Variants in DMD observed in about 807,000 individuals in gnomAD.
The protein encoded by DMD is mutant dystrophin.
A neutral mutation model predicts 330.1 loss-of-function variants in DMD; 63 were observed. That is an observed-to-expected ratio of 0.19 (90% CI 0.16 to 0.24). DMD has a LOEUF of 0.24. DMD is among the 10% of genes least tolerant of loss of function. The pLI is 1.00. For synonymous variants in DMD, 1,223 were observed against 959.8 expected (o/e 1.27, Z -5.07); for missense variants, 3,344 against 2,684.1 (o/e 1.25, Z -5.43).
chrX:31,793,651 T>G (rs2091683589), intron 50 of DMD, among the ~76,000 whole-genome samples: 1 of 112,077 alleles, frequency 8.9e-6, no homozygotes, highest in South Asian at 3.7e-4. Context: ...GTGTTGAACA[T>G]CTCATGTAAT....
chrX:32,948,918 G>A (rs1004228067), intron 2 of DMD, among the ~76,000 whole-genome samples: 2 of 111,238 alleles, frequency 1.8e-5, no homozygotes, highest in African/African-American at 3.3e-5. Flanking sequence ...TTTTAGAGAC[G>A]ATAAAATTAA....
chrX:32,686,720 TA>T (rs2062911245), intron 9 of DMD, among the ~76,000 whole-genome samples: 1 of 110,810 alleles, frequency 9.0e-6, no homozygotes, highest in African/African-American at 3.3e-5. Flanking sequence ...GAGAAAAGAT[TA>T]AAAATATTAA....
chrX:32,368,259 C>G (rs1201249897), intron 34 of DMD, among the ~76,000 whole-genome samples: 1 of 111,160 alleles, frequency 9.0e-6, no homozygotes, highest in Non-Finnish European at 1.9e-5. Context: ...ATCATGCCTA[C>G]AGTGTAGCTG....
chrX:31,328,517 G>A (rs1213382491), intron 61 of DMD, among the ~76,000 whole-genome samples: 1 of 110,799 alleles, frequency 9.0e-6, no homozygotes, highest in East Asian at 2.8e-4. Flanking sequence ...CAGGATGTTG[G>A]CTTTCTATTT....
At chrX:32,830,466 T>C (rs1201348879) in intron 4 of DMD, among the ~76,000 whole-genome samples, 1 of 111,734 alleles carries the variant, frequency 8.9e-6, no homozygotes, top group East Asian at 2.8e-4. Flanking sequence ...TGTATGTTAA[T>C]GTACGAGCCT....
intron 19 of DMD, among the ~76,000 whole-genome samples, chrX:32,492,744 A>C (rs184428606): frequency 8.9e-6 from 1 of 112,560 alleles, no homozygotes; most frequent in East Asian, 2.8e-4. Context: ...ACAGAATATA[A>C]AAGAGAAAAT....
chrX:32,180,264 T>C (rs994211571), intron 44 of DMD, among the ~76,000 whole-genome samples: 1 of 111,846 alleles, frequency 8.9e-6, no homozygotes, highest in Admixed American at 9.5e-5. Context: ...TGTGGTCATC[T>C]GGTTATAGTA....
At position 32,743,584 on chromosome X, in the gene DMD, T is replaced by C. The variant is rs1430122960; in HGVS notation, c.650-44291A>G. Among the ~76,000 whole-genome samples the C allele has an allele frequency of 2.7e-5, 3 of 111,211 alleles. No homozygotes were observed. The East Asian group carries it at 8.5e-4, about 32-fold the overall frequency. ...TAGAATGTTGTTGGCACTGAACCCA[T>C]AGTTACAGTTTCCAATAATTTCTGA... On this transcript the variant is annotated intron_variant, in intron 7 of 78. Transcript: ENST00000357033.
chrX:31,289,069 C>T (rs1487272607), intron 62 of DMD, among the ~76,000 whole-genome samples: 1 of 107,173 alleles, frequency 9.3e-6, no homozygotes, highest in Non-Finnish European at 1.9e-5. Flanking sequence ...CATCTAAGGC[C>T]AGGAGTTTGA....
chrX:31,760,817 A>G (rs773949132), intron 51 of DMD, among the ~76,000 whole-genome samples: 122 of 110,860 alleles, frequency 1.1e-3, no homozygotes, highest in African/African-American at 3.9e-3. Flanking sequence ...ATGTACGATA[A>G]TAACAGGTAA....
At chrX:32,518,821 C>T (rs1569565211) in intron 17 of DMD, among the ~76,000 whole-genome samples, 1 of 110,009 alleles carries the variant, frequency 9.1e-6, no homozygotes, top group Non-Finnish European at 1.9e-5. Flanking sequence ...CAGCTGAAGA[C>T]AGACAAATGA....
chrX:32,643,354 C>A (rs1228071689), intron 11 of DMD, among the ~76,000 whole-genome samples: 5 of 107,771 alleles, frequency 4.6e-5, no homozygotes, highest in Non-Finnish European at 9.6e-5. Flanking sequence ...TTTTTTAACG[C>A]TTTTGAACTT....
chrX:33,073,403 G>A (rs923913463), intron 1 of DMD, among the ~76,000 whole-genome samples: 2 of 112,158 alleles, frequency 1.8e-5, no homozygotes, highest in Non-Finnish European at 3.8e-5. Flanking sequence ...CACTTTGTAT[G>A]TAAGGAGAAT....
intron 44 of DMD, among the ~76,000 whole-genome samples, chrX:32,147,125 A>C (rs1339888307): frequency 9.0e-6 from 1 of 111,342 alleles, no homozygotes; most frequent in African/African-American, 3.3e-5. Flanking sequence ...CCATATACCC[A>C]CCATGCAGAT....
At chrX:31,379,221 C>T (rs1442527351) in intron 60 of DMD, among the ~76,000 whole-genome samples, 4 of 110,620 alleles carry the variant, frequency 3.6e-5, no homozygotes, top group South Asian at 7.9e-4. Flanking sequence ...GCTCCTCCAC[C>T]CTATAATCCT....
chrX:31,582,350 C>T (rs1180844055), intron 55 of DMD, among the ~76,000 whole-genome samples: 2 of 111,354 alleles, frequency 1.8e-5, no homozygotes, highest in African/African-American at 6.5e-5. Flanking sequence ...AATTTTCTGC[C>T]ACATATATCA....
At chrX:32,347,160 C>T (rs759531164) in intron 38 of DMD, among the ~76,000 whole-genome samples, 9 of 111,236 alleles carry the variant, frequency 8.1e-5, no homozygotes, top group South Asian at 3.7e-4. Flanking sequence ...AAGAAACATA[C>T]GGCATAATAT....
At chrX:32,955,546 A>T (rs1191711055) in intron 2 of DMD, among the ~76,000 whole-genome samples, 1 of 111,483 alleles carries the variant, frequency 9.0e-6, no homozygotes, top group Non-Finnish European at 1.9e-5. Context: ...GTTTAATTAG[A>T]TGCCATTTTT....
intron 20 of DMD, among the ~76,000 whole-genome samples, chrX:32,487,038 G>T (rs1044505239): frequency 4.5e-5 from 5 of 110,874 alleles, no homozygotes; most frequent in Non-Finnish European, 9.5e-5. Flanking sequence ...CACAGCAAAA[G>T]AAACTACCAT....
Sources: allele counts gnomAD v4.1 joint callset (sites outside exome capture counted in the v4.1 genomes callset), GRCh38; gene constraint gnomAD v4.1.1; transcripts MANE v1.5; gene names NCBI Gene and HGNC (gene_info 2026-07-23, HGNC 2026-07-21).